Variants in CNTN6 observed in about 807,000 individuals in gnomAD.
CNTN6 encodes contactin 6, also known as contactin-6.
Under a neutral mutation model 122.8 loss-of-function variants are expected in CNTN6, and 137 were observed. The ratio of observed to expected loss-of-function variants is 1.12; its 90% CI spans 0.97 to 1.29. CNTN6 has a LOEUF of 1.29. Among genes scored for constraint, CNTN6 ranks in the 50% most tolerant of loss-of-function variants. The pLI is 0.00. For synonymous variants in CNTN6, 570 were observed against 426.0 expected, an observed-to-expected ratio of 1.34 and a Z score of -4.16; for missense variants, 1,634 against 1,223.4, an observed-to-expected ratio of 1.34 and a Z score of -5.01.
At chr3:1,284,789 T>G (rs570495991) in intron 5 of CNTN6, among the ~76,000 whole-genome samples, 5 of 151,902 alleles carry the variant, frequency 3.3e-5, no homozygotes, top group African/African-American at 1.2e-4. Context: ...AGTGAGGGAG[T>G]GAGACACATT....
intron 4 of CNTN6, among the ~76,000 whole-genome samples, chr3:1,252,382 T>C (rs1262344144): frequency 6.6e-6 from 1 of 152,162 alleles, no homozygotes; most frequent in South Asian, 2.1e-4. Context: ...TGACAATATA[T>C]AACATTTAGA....
At position 1,093,035 on chromosome 3, in the gene CNTN6, T is replaced by C; in HGVS notation, c.-168T>C. 1 of 344,354 alleles carries C rather than the reference T, an allele frequency of 2.9e-6. No homozygotes were observed. Among genetic ancestry groups the C allele is most frequent in the East Asian group, 7.8e-5 (1 of 12,902 alleles). 21.3% of individuals were successfully genotyped at this position (344,354 alleles called of 1,614,324 possible). On this transcript the variant is annotated 5_prime_UTR_variant, in exon 1 of 23. Transcript: ENST00000446702. ...TGCATAGACATTCCATACGGCTTGG[T>C]TCTGCCTGGACGCACAGCATGCCTG...
chr3:1,176,018 C>T (rs1052794904), intron 2 of CNTN6, among the ~76,000 whole-genome samples: 3 of 152,110 alleles, frequency 2.0e-5, no homozygotes, highest in Admixed American at 1.3e-4. Context: ...GTGCTTCCTT[C>T]TACATTTTGA....
rs11438242 is a variant in CNTN6 at position 1,289,676 on chromosome 3, GTTTT to G, written c.455-5912_455-5909del. Among the ~76,000 whole-genome samples, 6 of 137,804 alleles carry G rather than the reference GTTTT, an allele frequency of 4.4e-5. 1 individual carries two copies. Among genetic ancestry groups the G allele is most frequent in the African/African-American group, 1.6e-4 (6 of 37,662 alleles). The allele number at this position is 137,804 out of a possible 152,430, so 90.4% of individuals were successfully genotyped here. On this transcript the variant is annotated intron_variant, in intron 5 of 22. Coordinates refer to ENST00000446702, the MANE Select transcript of CNTN6 (RefSeq NM_001289080.2). ...CTTTTGTTTTGTTTTGTTTTTTTGG[GTTTT>G]TTTTTTTTTTTTGAGACAGAGTCTC...
intron 4 of CNTN6, among the ~76,000 whole-genome samples, chr3:1,230,121 A>C (rs1388038518): frequency 1.3e-5 from 2 of 152,170 alleles, no homozygotes; most frequent in African/African-American, 4.8e-5. Flanking sequence ...ATAATTCCTC[A>C]CAACCTCCTT....
chr3:1,367,647 C>T (rs572958200), intron 12 of CNTN6, among the ~76,000 whole-genome samples: 2 of 152,236 alleles, frequency 1.3e-5, no homozygotes, highest in Admixed American at 1.3e-4. Flanking sequence ...AGCTCCTGCA[C>T]ACACAAGTTC....
At chr3:1,134,742 A>G (rs1471133464) in intron 1 of CNTN6, among the ~76,000 whole-genome samples, 1 of 151,950 alleles carries the variant, frequency 6.6e-6, no homozygotes, top group African/African-American at 2.4e-5. Context: ...ATCAAATGAG[A>G]CAATTTATTT....
intron 2 of CNTN6, among the ~76,000 whole-genome samples, chr3:1,171,128 C>T (rs1339718786): frequency 6.6e-6 from 1 of 152,154 alleles, no homozygotes; most frequent in Non-Finnish European, 1.5e-5. Context: ...GGGAAATTTG[C>T]TGTCATTCTT....
At chr3:1,098,397 T>C (rs945551673) in intron 1 of CNTN6, among the ~76,000 whole-genome samples, 4 of 152,098 alleles carry the variant, frequency 2.6e-5, no homozygotes, top group Non-Finnish European at 5.9e-5. Context: ...TGTTGTTTTA[T>C]GTTGTTGTTG....
In CNTN6 at chr3:1,296,396, A is replaced by T. The variant is rs73816284; in HGVS notation, c.658+592A>T. 5.9e-3 allele frequency among the ~76,000 whole-genome samples: 899 copies of T among 152,290 alleles called. 15 individuals carry two copies. The highest frequency in any genetic ancestry group is 0.02 in the African/African-American group (845 of 41,568). Reference sequence around the variant, plus strand: ...CACACTAGTCTCTGACGAGCTTTGTAGCTTAGTCAAGTCATGGCTGGTACA... The same window carrying T: ...CACACTAGTCTCTGACGAGCTTTGTTGCTTAGTCAAGTCATGGCTGGTACA... On this transcript the variant is annotated intron_variant, in intron 6 of 22. Transcript: ENST00000446702.
intron 11 of CNTN6, among the ~76,000 whole-genome samples, chr3:1,340,153 G>A (rs1477228436): frequency 1.3e-5 from 2 of 152,150 alleles, no homozygotes; most frequent in African/African-American, 4.8e-5. Flanking sequence ...ATTCAGTTCT[G>A]AGAAGCTCTG....
At chr3:1,337,481 G>A (rs751815988) in intron 11 of CNTN6, among the ~76,000 whole-genome samples, 54 of 152,258 alleles carry the variant, frequency 3.5e-4, no homozygotes, top group Middle Eastern at 3.4e-3. Context: ...CAACTGCAAA[G>A]CAGGCTTCTC....
At chr3:1,184,325 G>A (rs73105190) in intron 2 of CNTN6, among the ~76,000 whole-genome samples, 2,124 of 152,238 alleles carry the variant, frequency 0.014, 49 homozygotes, top group African/African-American at 0.049. Flanking sequence ...CTATAAAAGT[G>A]TAATAGAAGA....
Position 1,403,715 on chromosome 3 carries a change from A to G in CNTN6, c.*297A>G, listed in dbSNP as rs139527024. 5.4e-6 allele frequency: 1 copy of G among 185,170 alleles called. No individual in the cohort carries two copies. The highest frequency in any genetic ancestry group is 1.1e-5 in the Non-Finnish European group (1 of 90,594). 11.5% of individuals were successfully genotyped at this position (185,170 alleles called of 1,614,324 possible). ...ATGGAGAAAATAAATAACTCCCCTC[A>G]ATGATGCTGATGATGAATACAAACT... On this transcript the variant is annotated 3_prime_UTR_variant, in exon 23 of 23. Transcript: ENST00000446702.
intron 4 of CNTN6, among the ~76,000 whole-genome samples, chr3:1,245,273 ATACACACACATATATATAT>A (rs2094557491): frequency 5.4e-4 from 5 of 9,192 alleles, no homozygotes; most frequent in African/African-American, 7.5e-4. Context: ...ATATATATAT[ATACACACACATATATATAT>A]AACATATATA....
chr3:1,210,531 A>T (rs2094022168), intron 2 of CNTN6, among the ~76,000 whole-genome samples: 1 of 152,096 alleles, frequency 6.6e-6, no homozygotes, highest in Non-Finnish European at 1.5e-5. Context: ...AGTTTGAAAA[A>T]CTAAGGTAGA....
chr3:1,267,597 A>G (rs914824722), intron 4 of CNTN6, among the ~76,000 whole-genome samples: 2 of 152,118 alleles, frequency 1.3e-5, no homozygotes, highest in Non-Finnish European at 2.9e-5. Context: ...GATATTGGAG[A>G]AAAATTGGAA....
chr3:1,401,405 A>G, intron 20 of CNTN6, 28 bp from the exon 21 acceptor site: 5 of 1,568,266 alleles, frequency 3.2e-6, no homozygotes, highest in Non-Finnish European at 4.4e-6. Context: ...ATTAACATTC[A>G]TTTGGATCTT....
At chr3:1,273,896 C>T (rs1173805674) in intron 4 of CNTN6, among the ~76,000 whole-genome samples, 1 of 152,152 alleles carries the variant, frequency 6.6e-6, no homozygotes, top group Non-Finnish European at 1.5e-5. Context: ...ATAATGACTT[C>T]TGATTAACAC....
Sources: gnomAD v4.1 joint callset for allele counts (sites outside exome capture counted in the v4.1 genomes callset) on GRCh38, gnomAD v4.1.1 for gene constraint, MANE v1.5 for transcripts, NCBI Gene and HGNC (gene_info 2026-07-23, HGNC 2026-07-21) for gene names.